The following EYA2 variants were observed in gnomAD, a reference collection of about 807,000 sequenced individuals.
EYA2 encodes the protein EYA transcriptional coactivator and phosphatase 2.
EYA2 carries 31 observed loss-of-function variants against 69.2 expected under a neutral mutation model. The observed-to-expected ratio is 0.45, with a 90% CI of 0.34 to 0.60. The LOEUF is 0.60. Ranked by LOEUF, EYA2 falls within the 20% of genes least tolerant of loss-of-function variation. The probability of loss-of-function intolerance (pLI) is 0.02; values close to 1 mark genes in which losing one functional copy is unlikely to be tolerated. For synonymous variants in EYA2, 257 were observed against 279.4 expected (o/e 0.92, Z 0.80); for missense variants, 622 against 701.2 (o/e 0.89, Z 1.28).
intron 12 of EYA2, among the ~76,000 whole-genome samples, chr20:47,177,206 A>G (rs1031826639): frequency 6.6e-6 from 1 of 152,030 alleles, no homozygotes; most frequent in African/African-American, 2.4e-5. Flanking sequence ...TCGACCTCCT[A>G]GGCTCAAGTG....
intron 1 of EYA2, among the ~76,000 whole-genome samples, chr20:46,954,759 T>A (rs1352405225): frequency 6.6e-6 from 1 of 152,102 alleles, no homozygotes; most frequent in African/African-American, 2.4e-5. Flanking sequence ...AGACTGTGAG[T>A]TCATGTCAAC....
chr20:46,927,554 G>A (rs542639830), intron 1 of EYA2, among the ~76,000 whole-genome samples: 55 of 152,254 alleles, frequency 3.6e-4, no homozygotes, highest in African/African-American at 9.4e-4. Context: ...CTTACATGGC[G>A]GCATGCAAGA....
chr20:47,052,755 G>A (rs2030402313), intron 5 of EYA2, among the ~76,000 whole-genome samples: 1 of 151,862 alleles, frequency 6.6e-6, no homozygotes, highest in African/African-American at 2.4e-5. Context: ...CAAGTAGCTG[G>A]GACTGTCACC....
chr20:47,034,331 G>GT (rs1209446931), intron 5 of EYA2, among the ~76,000 whole-genome samples: 1 of 152,170 alleles, frequency 6.6e-6, no homozygotes, highest in Non-Finnish European at 1.5e-5. Context: ...ACACAGGTAA[G>GT]TTTCGCAAAA....
intron 9 of EYA2, among the ~76,000 whole-genome samples, chr20:47,105,732 A>G (rs1333796270): frequency 6.6e-6 from 1 of 152,202 alleles, no homozygotes; most frequent in African/African-American, 2.4e-5. Context: ...ACACATTTGA[A>G]TGTAAACTCT....
chr20:47,042,471 A>G (rs1011417306), intron 5 of EYA2, among the ~76,000 whole-genome samples: 1 of 152,240 alleles, frequency 6.6e-6, no homozygotes, highest in African/African-American at 2.4e-5. Context: ...TTAAGGCTTA[A>G]GTCTGGGTTC....
At chr20:47,174,102 TC>T (rs2146659449) in intron 12 of EYA2, among the ~76,000 whole-genome samples, 1 of 152,336 alleles carries the variant, frequency 6.6e-6, no homozygotes, top group East Asian at 1.9e-4. Context: ...CTGGGAGTCT[TC>T]CTGGTTGCCA....
intron 2 of EYA2, among the ~76,000 whole-genome samples, chr20:47,000,707 C>T (rs981026788): frequency 2.6e-5 from 4 of 152,200 alleles, no homozygotes; most frequent in African/African-American, 9.7e-5. Context: ...TATCGCCTCC[C>T]ATCAATGATT....
chr20:47,146,602 C>T (rs1407426855), intron 10 of EYA2, among the ~76,000 whole-genome samples: 1 of 152,200 alleles, frequency 6.6e-6, no homozygotes, highest in Non-Finnish European at 1.5e-5. Flanking sequence ...AGTTAAAATC[C>T]ACACAAGTGA....
intron 2 of EYA2, chr20:46,998,111 G>C: frequency 6.1e-6 from 1 of 164,476 alleles, no homozygotes; most frequent in South Asian, 1.8e-4. Flanking sequence ...GTATTCAGTG[G>C]CACTGCCAAG....
intron 1 of EYA2, among the ~76,000 whole-genome samples, chr20:46,928,602 C>G (rs1312703241): frequency 2.6e-5 from 4 of 152,228 alleles, no homozygotes; most frequent in Admixed American, 6.5e-5. Context: ...GATGCCAGAG[C>G]CTGGGCCCAT....
At chr20:47,157,353 C>CA (rs57425490) in intron 10 of EYA2, among the ~76,000 whole-genome samples, 689 of 60,742 alleles carry the variant, frequency 0.011, 54 homozygotes, top group East Asian at 0.039. Flanking sequence ...GACTCCGTCT[C>CA]AAAAAAAAAA....
intron 1 of EYA2, among the ~76,000 whole-genome samples, chr20:46,917,693 G>A (rs1365882646): frequency 6.6e-6 from 1 of 152,172 alleles, no homozygotes; most frequent in African/African-American, 2.4e-5. Flanking sequence ...CTGTACATAG[G>A]CCACTAAGTG....
At chr20:46,937,245 A>C (rs762198823) in intron 1 of EYA2, among the ~76,000 whole-genome samples, 13 of 152,216 alleles carry the variant, frequency 8.5e-5, no homozygotes, top group Non-Finnish European at 1.5e-4. Flanking sequence ...AGGAGTTTAT[A>C]ATCGTCATAC....
At chr20:47,041,669 G>T (rs752669354) in intron 5 of EYA2, among the ~76,000 whole-genome samples, 1 of 151,482 alleles carries the variant, frequency 6.6e-6, no homozygotes, top group Non-Finnish European at 1.5e-5. Flanking sequence ...TGTTGGACTC[G>T]GTAGGAAGGT....
chr20:47,079,362 T>C (rs775663738), intron 7 of EYA2, among the ~76,000 whole-genome samples: 4 of 152,212 alleles, frequency 2.6e-5, no homozygotes, highest in Non-Finnish European at 5.9e-5. Context: ...GGTTATAGTA[T>C]TGGAGGCTCC....
At chr20:46,963,049 C>T (rs1447067601) in intron 1 of EYA2, among the ~76,000 whole-genome samples, 3 of 152,190 alleles carry the variant, frequency 2.0e-5, no homozygotes, top group Non-Finnish European at 2.9e-5. Flanking sequence ...CGGCAAGTGG[C>T]GTTTTCTACA....
At chr20:47,081,807 AAGAG>A (rs535076197) in intron 7 of EYA2, among the ~76,000 whole-genome samples, 148 of 150,170 alleles carry the variant, frequency 9.9e-4, no homozygotes, top group African/African-American at 2.8e-3. Flanking sequence ...GAAAGAAAAA[AAGAG>A]AGAGAGAGAG....
Position 47,122,583 on chromosome 20 carries a change from T to G in EYA2, c.889-20476T>G, listed in dbSNP as rs528718720. Among the ~76,000 whole-genome samples, 32 of 151,996 alleles carry G rather than the reference T, an allele frequency of 2.1e-4. No homozygotes were observed. In the South Asian group the frequency reaches 5.4e-3, roughly 26 times the overall value. On this transcript the variant is annotated intron_variant, in intron 9 of 15. Transcript: ENST00000327619. ...AAAGTGCTGGGATTACAGGCGTGTTTCTTAGTTTTTTATGCCCTTCTCTGC... is the reference window on the plus strand; with the variant it reads ...AAAGTGCTGGGATTACAGGCGTGTTGCTTAGTTTTTTATGCCCTTCTCTGC...
Sources: allele counts gnomAD v4.1 joint callset (sites outside exome capture counted in the v4.1 genomes callset), GRCh38; gene constraint gnomAD v4.1.1; transcripts MANE v1.5; gene names NCBI Gene and HGNC (gene_info 2026-07-23, HGNC 2026-07-21).